The following ZFP36L1 variants were observed in gnomAD, a reference collection of about 807,000 sequenced individuals.
ZFP36L1 encodes the protein ZFP36 like 1 zinc finger CCCH-type.
A neutral mutation model predicts 16.7 loss-of-function variants in ZFP36L1; 4 were observed. The ratio of observed to expected loss-of-function variants is 0.24; its 90% confidence interval spans 0.12 to 0.55. The LOEUF (loss-of-function observed/expected upper bound fraction) is 0.55. ZFP36L1 is among the 20% of genes least tolerant of loss of function. The probability of loss-of-function intolerance (pLI) is 0.94; values close to 1 mark genes in which losing one functional copy is unlikely to be tolerated. For missense variants in ZFP36L1, 311 were observed against 449.2 expected (o/e 0.69, Z 2.78); for synonymous variants, 220 against 190.8 (o/e 1.15, Z -1.26).
At position 68,792,940 on chromosome 14, in the gene ZFP36L1, C is replaced by T. The variant is rs1376990415; in HGVS notation, c.-2G>A. The T allele has an allele frequency of 1.2e-6, 2 of 1,613,938 alleles. No individual in the cohort carries two copies. The highest frequency in any genetic ancestry group is 1.7e-6 in the Non-Finnish European group (2 of 1,179,956). On this transcript the variant is annotated 5_prime_UTR_variant, in exon 1 of 2. Coordinates refer to ENST00000439696, the MANE Select transcript of ZFP36L1 (RefSeq NM_004926.4). ...GGCAGACACGAGGGTGGTGGTCATC[C>T]TGTGCGTTCGCGCGAGCCAGGGGCG...
At chr14:68,790,905 AGAAAG>A in intron 1 of ZFP36L1, 2 of 567,664 alleles carry the variant, frequency 3.5e-6, no homozygotes, top group Non-Finnish European at 6.3e-6. Flanking sequence ...GGTAAACCTC[AGAAAG>A]GAGTCTATCA....
rs1050365648 is a variant in ZFP36L1 at position 68,790,486 on chromosome 14, T to C, written c.64A>G (p.Lys22Glu). Residue 22 changes from lysine to glutamate, a missense_variant, in exon 2 of 2, where the codon AAG becomes GAG. Coordinates refer to ENST00000439696, the MANE Select transcript of ZFP36L1 (RefSeq NM_004926.4). The part of the protein sequence containing the change: ...DLSEVLCKGN[K>E]MLNYSAPSAG... ...CTGGGAGCACTATAGTTGAGCATCT[T>C]GTTACCCTGGAGAGAGAAGAGAAAG... 1 of 1,613,970 alleles carries C rather than the reference T, an allele frequency of 6.2e-7. No individual in the cohort carries two copies. Among genetic ancestry groups the C allele is most frequent in the Non-Finnish European group, 8.5e-7 (1 of 1,179,962 alleles).
chr14:68,793,570 C>G (rs1050847892), upstream of ZFP36L1: 11 of 985,886 alleles, frequency 1.1e-5, no homozygotes, highest in South Asian at 4.7e-4. Context: ...AGCTGAAGCC[C>G]GTCCTTAGCG....
In ZFP36L1 at chr14:68,788,437, T is replaced by C. The variant is rs1894970284; in HGVS notation, c.*1096A>G. Reference sequence around the variant, plus strand: ...TGCTCTCCAATTTCTGAAAGTTATATGAAGTTTAAAACCCAGGGAAGAAAG... The same window carrying C: ...TGCTCTCCAATTTCTGAAAGTTATACGAAGTTTAAAACCCAGGGAAGAAAG... On this transcript the variant is annotated 3_prime_UTR_variant, in exon 2 of 2. Coordinates refer to ENST00000439696, the MANE Select transcript of ZFP36L1 (RefSeq NM_004926.4). 1 of 152,778 alleles carries C rather than the reference T, an allele frequency of 6.5e-6. No homozygotes were observed. Among genetic ancestry groups the C allele is most frequent in the Non-Finnish European group, 1.5e-5 (1 of 68,038 alleles). 9.5% of individuals were successfully genotyped at this position (152,778 alleles called of 1,614,324 possible).
At chr14:68,794,458 C>T (rs1240779135), upstream of ZFP36L1, 2 of 152,270 alleles carry the variant, frequency 1.3e-5, no homozygotes, top group Non-Finnish European at 1.5e-5. Context: ...CCCCCACCCG[C>T]CCCCTGCGCC....
upstream of ZFP36L1, chr14:68,793,185 A>C (rs1895153168): frequency 9.6e-7 from 1 of 1,045,474 alleles, no homozygotes; most frequent in Non-Finnish European, 1.2e-6. Flanking sequence ...TTGACACTGG[A>C]GTTGAATCAG....
intron 1 of ZFP36L1, among the ~76,000 whole-genome samples, chr14:68,792,548 C>G (rs1895117628): frequency 6.6e-6 from 1 of 152,160 alleles, no homozygotes; most frequent in Admixed American, 6.5e-5. Flanking sequence ...AACCTGGGAT[C>G]CAGCAGCACG....
chr14:68,789,455 T>G lies in ZFP36L1; in HGVS notation c.*78A>C. 1.0e-5 allele frequency: 16 copies of G among 1,588,280 alleles called. No individual in the cohort carries two copies. The highest frequency in any genetic ancestry group is 1.4e-5 in the Non-Finnish European group (16 of 1,165,412). ...AATGTAGGGCCTGTGGGGAATGGGA[T>G]GGGTAGGGAGAAGAGGGTATGGGAT... On this transcript the variant is annotated 3_prime_UTR_variant, in exon 2 of 2. Coordinates refer to ENST00000439696, the MANE Select transcript of ZFP36L1 (RefSeq NM_004926.4). This position sits in a 1 kb window ranked among gnomAD's most constrained non-coding sequence, Gnocchi z 4.5.
upstream of ZFP36L1, chr14:68,793,385 G>T: frequency 4.0e-6 from 4 of 1,003,486 alleles, no homozygotes; most frequent in Non-Finnish European, 4.8e-6. Flanking sequence ...CGCTTCAGGC[G>T]CCCCCTCTCC....
upstream of ZFP36L1, chr14:68,796,054 C>A: frequency 7.5e-7 from 1 of 1,340,682 alleles, no homozygotes; most frequent in Non-Finnish European, 9.9e-7. Context: ...CGCGCAGTCC[C>A]CAGGCTGGCC....
rs1594715978 is a variant in ZFP36L1 at position 68,789,364 on chromosome 14, T to G, written c.*169A>C. The G allele has an allele frequency of 3.2e-6, 3 of 940,538 alleles. No homozygotes were observed. The highest frequency in any genetic ancestry group is 1.8e-5 in the South Asian group (1 of 55,574). The allele number at this position is 940,538 out of a possible 1,614,324, so 58.3% of individuals were successfully genotyped here. ...TGACTTGTCCTTATGTTAGGTGGGG[T>G]TATGAGGGGGAGAGGGAGGGCACAT... On this transcript the variant is annotated 3_prime_UTR_variant, in exon 2 of 2. Transcript: ENST00000439696. The surrounding 1 kb of genome is among the most constrained non-coding windows in gnomAD (Gnocchi z 4.5).
intron 1 of ZFP36L1, among the ~76,000 whole-genome samples, chr14:68,792,402 AG>A: frequency 6.6e-6 from 1 of 152,206 alleles, no homozygotes; most frequent in East Asian, 1.9e-4. Flanking sequence ...GCATATCCCC[AG>A]CTCCCCCCAA....
At chr14:68,791,285 T>G (rs1010586828) in intron 1 of ZFP36L1, 2 of 531,028 alleles carry the variant, frequency 3.8e-6, no homozygotes, top group Non-Finnish European at 6.7e-6. Context: ...AGAGCTCCAG[T>G]GTTTAATCTT....
upstream of ZFP36L1, chr14:68,793,362 C>T (rs1290511799): frequency 9.9e-7 from 1 of 1,007,446 alleles, no homozygotes; most frequent in African/African-American, 1.7e-5. Context: ...AGTCGGCTGA[C>T]TTCCCTACCC....
rs967631291 is a variant in ZFP36L1 at position 68,788,182 on chromosome 14, C to T, written c.*1351G>A. The T allele has an allele frequency of 2.4e-4, 36 of 150,712 alleles. No individual in the cohort carries two copies. The highest frequency in any genetic ancestry group is 8.3e-4 in the African/African-American group (34 of 40,896). 9.3% of individuals were successfully genotyped at this position (150,712 alleles called of 1,614,324 possible). ...AAAAGTGTAAAGTTACAAAAAATGT[C>T]GTTGAAGAATAATATATTAAAACTG... On this transcript the variant is annotated 3_prime_UTR_variant, in exon 2 of 2. Transcript: ENST00000439696.
intron 1 of ZFP36L1, among the ~76,000 whole-genome samples, chr14:68,791,519 G>C (rs1895069272): frequency 6.6e-6 from 1 of 152,064 alleles, no homozygotes; most frequent in Admixed American, 6.5e-5. Context: ...GTGTCATTGT[G>C]CAAATTCTAA....
chr14:68,792,281 G>A (rs73279137), intron 1 of ZFP36L1, among the ~76,000 whole-genome samples: 1 of 151,306 alleles, frequency 6.6e-6, no homozygotes, highest in African/African-American at 2.4e-5. Context: ...AAAGTTTGCT[G>A]CACGATCGGC....
At chr14:68,790,614 C>T in intron 1 of ZFP36L1, 122 bp from the exon 2 acceptor site, 2 of 1,342,246 alleles carry the variant, frequency 1.5e-6, no homozygotes, top group Non-Finnish European at 2.0e-6. Flanking sequence ...TCTACCTCGG[C>T]TCTAGCAAGC....
rs763667240 is a variant in ZFP36L1 at position 68,789,610 on chromosome 14, T to C, written c.940A>G (p.Ser314Gly). The C allele has an allele frequency of 1.9e-6, 3 of 1,613,522 alleles. No individual in the cohort carries two copies. Among genetic ancestry groups the C allele is most frequent in the African/African-American group, 1.3e-5 (1 of 74,870 alleles). ...TCCAAGGTCGGGGAGTCTGAGCCAC[T>C]GTGGCTGCTGCTGGAGCTGCTCAGG... ...GYLSSSSSSH[S>G]GSDSPTLDNS... The change falls in exon 2 of 2, where the codon AGT (serine) becomes GGT (glycine). Residue 314 changes from serine to glycine, a missense_variant. Physicochemically the swap from Ser to Gly is moderately conservative, Grantham distance 56. Around this residue, in one of 4 missense-constraint regions of ZFP36L1, gnomAD observed 147 missense variants for 192.0 expected, o/e 0.77. Transcript: ENST00000439696. The surrounding 1 kb of genome is among the most constrained non-coding windows in gnomAD (Gnocchi z 4.5).
Sources: allele counts gnomAD v4.1 joint callset (sites outside exome capture counted in the v4.1 genomes callset), GRCh38; gene constraint gnomAD v4.1.1; regional missense constraint gnomAD v4.1.1; non-coding constraint Gnocchi (gnomAD v3.1); transcripts MANE v1.5; gene names NCBI Gene and HGNC (gene_info 2026-07-23, HGNC 2026-07-21).